PARN: variants seen among roughly 807,000 people sequenced by gnomAD.
PARN encodes the protein poly(A)-specific ribonuclease PARN.
PARN carries 71 observed loss-of-function variants against 102.8 expected under a neutral mutation model. The observed-to-expected ratio is 0.69, with a 90% CI of 0.57 to 0.84. The LOEUF (loss-of-function observed/expected upper bound fraction) is 0.84, where lower values mean the gene tolerates loss of function less well. Among genes scored for constraint, PARN ranks in the 40% least tolerant of loss-of-function variants. The pLI is 0.00. For synonymous variants in PARN, 261 were observed against 252.9 expected, an observed-to-expected ratio of 1.03 and a Z score of -0.30; for missense variants, 782 against 760.9, an observed-to-expected ratio of 1.03 and a Z score of -0.33.
chr16:14,610,949 A>G, intron 6 of PARN, 140 bp from the exon 7 acceptor site: 1 of 626,970 alleles, frequency 1.6e-6, no homozygotes, highest in South Asian at 1.9e-5. Context: ...AGAAAGGCAA[A>G]TGATTTTGAA....
chr16:14,615,666 A>C, intron 6 of PARN, among the ~76,000 whole-genome samples: 1 of 152,152 alleles, frequency 6.6e-6, no homozygotes, highest in Non-Finnish European at 1.5e-5. Flanking sequence ...TTTAAGAGGC[A>C]AAGGTAAGTG....
At chr16:14,448,431 G>C (rs1027817724) in intron 22 of PARN, among the ~76,000 whole-genome samples, 3 of 152,160 alleles carry the variant, frequency 2.0e-5, no homozygotes, top group Admixed American at 1.3e-4. Context: ...ACAGGCTTGA[G>C]TTACCACGCC....
At chr16:14,576,359 T>C (rs771445867) in intron 18 of PARN, 5 of 152,206 alleles carry the variant, frequency 3.3e-5, no homozygotes, top group Non-Finnish European at 7.3e-5. Flanking sequence ...CAGTGCTTAC[T>C]GAAGATAGCC....
intron 21 of PARN, among the ~76,000 whole-genome samples, chr16:14,518,007 T>C (rs1041865173): frequency 7.2e-5 from 11 of 152,086 alleles, no homozygotes; most frequent in African/African-American, 2.7e-4. Flanking sequence ...GGGGGTGTTA[T>C]CTAATTTCAA....
At chr16:14,604,274 T>G in intron 10 of PARN, 48 bp from the exon 11 acceptor site, 1 of 1,239,424 alleles carries the variant, frequency 8.1e-7, no homozygotes, top group South Asian at 1.3e-5. Flanking sequence ...TTTTCTTTTT[T>G]TTTGAGACAG....
At chr16:14,523,526 G>A (rs1348114534) in intron 21 of PARN, among the ~76,000 whole-genome samples, 1 of 152,158 alleles carries the variant, frequency 6.6e-6, no homozygotes, top group East Asian at 1.9e-4. Flanking sequence ...ATGCAAATTA[G>A]AGCAATCTCT....
intron 6 of PARN, among the ~76,000 whole-genome samples, chr16:14,615,834 G>C (rs531745980): frequency 3.9e-4 from 59 of 151,700 alleles, no homozygotes; most frequent in African/African-American, 1.4e-3. Context: ...CTGTTAGGTG[G>C]AGGCTGCGGT....
At chr16:14,597,651 C>T (rs1047767226) in intron 12 of PARN, among the ~76,000 whole-genome samples, 22 of 151,220 alleles carry the variant, frequency 1.5e-4, no homozygotes, top group Admixed American at 5.3e-4. Context: ...ACGCCAAGAT[C>T]GCGCCACCGC....
rs759152378 is a variant in PARN, at chr16:14,584,358, G to A, written c.1070C>T (p.Pro357Leu). Reference protein sequence around the residue: ...EKRLKETPFNPPKVESAEGFP... With the variant: ...EKRLKETPFNLPKVESAEGFP... ...TTTAATATTCTTACCAACTTTAGGA[G>A]GGTTGAAAGGTGTCTCTTTTAACCG... Residue 357 changes from proline (P) to leucine (L), a missense_variant, in exon 16 of 24, where the codon CCT (proline) becomes CTT (leucine). Transcript: ENST00000437198. 1 of 1,608,552 alleles carries A rather than the reference G, an allele frequency of 6.2e-7. No individual in the cohort carries two copies. Among genetic ancestry groups the A allele is most frequent in the South Asian group, 1.1e-5 (1 of 90,934 alleles).
intron 21 of PARN, among the ~76,000 whole-genome samples, chr16:14,498,353 G>A (rs983383297): frequency 3.3e-5 from 5 of 152,116 alleles, no homozygotes; most frequent in African/African-American, 2.4e-5. Context: ...CAGAAATTCC[G>A]TATCAATAGT....
intron 21 of PARN, among the ~76,000 whole-genome samples, chr16:14,515,830 C>T (rs1423676909): frequency 6.6e-6 from 1 of 151,862 alleles, no homozygotes; most frequent in African/African-American, 2.4e-5. Context: ...GTCCTAGCTA[C>T]TCAGGAGGCT....
At position 14,599,905 on chromosome 16, in the gene PARN, G is replaced by C. The variant is rs774827522; in HGVS notation, c.839C>G (p.Ser280Trp). The change falls in exon 12 of 24, where the codon TCG (serine) becomes TGG (tryptophan). Residue 280 changes from serine to tryptophan, a missense_variant and splice_region_variant. Physicochemically the swap from Ser to Trp is radical, Grantham distance 177. Coordinates refer to ENST00000437198, the MANE Select transcript of PARN (RefSeq NM_002582.4). The part of the protein sequence containing the change: ...FSRVIHAIAN[S>W]GKLVIGHNML... ...TGCTAAAAAGTCTGGCTCACTTACC[G>C]AATTAGCAATGGCGTGAATGACTCT... is the stretch of plus-strand genomic sequence containing the variant. 1 of 1,596,202 alleles carries C rather than the reference G, an allele frequency of 6.3e-7. No individual in the cohort carries two copies. Among genetic ancestry groups the C allele is most frequent in the Non-Finnish European group, 8.6e-7 (1 of 1,168,790 alleles).
intron 21 of PARN, among the ~76,000 whole-genome samples, chr16:14,517,417 C>A (rs1965512408): frequency 6.6e-6 from 1 of 152,284 alleles, no homozygotes; most frequent in African/African-American, 2.4e-5. Flanking sequence ...AGCTGAGACA[C>A]CAGAAGTGTG....
chr16:14,508,578 A>G (rs1250883972), intron 21 of PARN, among the ~76,000 whole-genome samples: 2 of 152,100 alleles, frequency 1.3e-5, no homozygotes, highest in African/African-American at 4.8e-5. Flanking sequence ...GAGAATTTAT[A>G]AAAACGAAAC....
chr16:14,462,288 T>C (rs988463422), intron 22 of PARN, among the ~76,000 whole-genome samples: 8 of 151,856 alleles, frequency 5.3e-5, no homozygotes, highest in South Asian at 4.2e-4. Context: ...AATGAAAGTA[T>C]TGAAGGGGGA....
At chr16:14,507,154 C>T (rs1964940061) in intron 21 of PARN, among the ~76,000 whole-genome samples, 1 of 151,490 alleles carries the variant, frequency 6.6e-6, no homozygotes, top group Admixed American at 6.6e-5. Flanking sequence ...TGGAGAAACC[C>T]CATCTCTACT....
chr16:14,605,754 T>C (rs954104461), intron 10 of PARN, among the ~76,000 whole-genome samples: 1 of 152,204 alleles, frequency 6.6e-6, no homozygotes, highest in Non-Finnish European at 1.5e-5. Context: ...CCACTTCCCA[T>C]CACAATTCTA....
chr16:14,596,661 G>A lies in PARN; in HGVS notation c.840+3243C>T, dbSNP rs149130006. On this transcript the variant is annotated intron_variant, in intron 12 of 23. Coordinates refer to ENST00000437198, the MANE Select transcript of PARN (RefSeq NM_002582.4). ...AGGAGGCTAAGGAGGAGGGAGGATC[G>A]CTTGAGCCCGGGAGGTAGAGGCTGC... Among the ~76,000 whole-genome samples the A allele has an allele frequency of 4.9e-4, 74 of 152,124 alleles. 2 individuals carry two copies. In the East Asian group the frequency reaches 6.7e-3, roughly 14 times the overall value.
chr16:14,586,379 G>A lies in PARN; in HGVS notation c.919-18C>T. On this transcript the variant is annotated intron_variant, in intron 13 of 23. Coordinates refer to ENST00000437198, the MANE Select transcript of PARN (RefSeq NM_002582.4). The stretch of plus-strand genomic sequence containing the variant: ...CTTAAGTCCTAAAGAACAAGAGAAG[G>A]ACTTGTTACAATTTTCCTAATACAC... 6.8e-7 allele frequency: 1 copy of A among 1,474,588 alleles called. No homozygotes were observed. The highest frequency in any genetic ancestry group is 9.3e-7 in the Non-Finnish European group (1 of 1,076,114). The allele number at this position is 1,474,588 out of a possible 1,614,324, so 91.3% of individuals were successfully genotyped here.
Sources: gnomAD v4.1 joint callset for allele counts (sites outside exome capture counted in the v4.1 genomes callset) on GRCh38, gnomAD v4.1.1 for gene constraint, MANE v1.5 for transcripts, NCBI Gene and HGNC (gene_info 2026-07-23, HGNC 2026-07-21) for gene names.